Variants in FBN3 observed in about 807,000 individuals in gnomAD.
The protein encoded by FBN3 is fibrillin 3, also known as fibrillin-3.
A neutral mutation model predicts 330.1 loss-of-function variants in FBN3; 234 were observed. That is an observed-to-expected ratio of 0.71 (90% CI 0.64 to 0.79). The LOEUF (loss-of-function observed/expected upper bound fraction) is 0.79. Among genes scored for constraint, FBN3 ranks in the 30% least tolerant of loss-of-function variants. FBN3 has a pLI of 0.00. For missense variants in FBN3, 3,606 were observed against 3,886.9 expected (o/e 0.93, Z 1.92); for synonymous variants, 1,458 against 1,517.3 (o/e 0.96, Z 0.91).
At chr19:8,140,278 A>G (rs1217812159) in intron 8 of FBN3, among the ~76,000 whole-genome samples, 1 of 152,150 alleles carries the variant, frequency 6.6e-6, no homozygotes, top group Non-Finnish European at 1.5e-5. Flanking sequence ...AGCCTGGCCA[A>G]CACAGTGAAA....
intron 62 of FBN3, 52 bp downstream of exon 62, chr19:8,073,011 G>T: frequency 8.6e-7 from 1 of 1,158,268 alleles, no homozygotes. Flanking sequence ...GTGCGTGCGT[G>T]CATGGACGCT....
chr19:8,084,317 G>C (rs1388732066), intron 56 of FBN3, among the ~76,000 whole-genome samples: 1 of 152,112 alleles, frequency 6.6e-6, no homozygotes, highest in Non-Finnish European at 1.5e-5. Flanking sequence ...TTCTCACCCA[G>C]CTGACACACA....
At chr19:8,090,400 A>G (rs1048634330) in intron 48 of FBN3, 149 bp from the exon 49 acceptor site, 1 of 855,558 alleles carries the variant, frequency 1.2e-6, no homozygotes, top group Non-Finnish European at 1.8e-6. Flanking sequence ...GGTCATGGTG[A>G]TTGGTTTGAG....
At chr19:8,073,006 T>TGAGAGAGA in intron 62 of FBN3, 57 bp downstream of exon 62, 1 of 964,456 alleles carries the variant, frequency 1.0e-6, no homozygotes, top group Non-Finnish European at 1.6e-6. Context: ...TGTGTGTGCG[T>TGAGAGAGA]GCGTGCATGG....
intron 5 of FBN3, among the ~76,000 whole-genome samples, 171 bp from the exon 6 acceptor site, chr19:8,145,143 G>T (rs560641191): frequency 1.3e-5 from 2 of 152,226 alleles, no homozygotes; most frequent in South Asian, 4.1e-4. Flanking sequence ...GGAGGCCAAG[G>T]CAGGTGGATC....
At chr19:8,130,502 C>T (rs1341973235) in intron 16 of FBN3, among the ~76,000 whole-genome samples, 2 of 124,738 alleles carry the variant, frequency 1.6e-5, no homozygotes, top group Non-Finnish European at 3.2e-5. Flanking sequence ...CAGAGCAAGA[C>T]TCTGTCAAAA....
Position 8,126,619 on chromosome 19 carries a change from G to GCGGGTCACA in FBN3, c.2417-15_2417-14insTGTGACCCG, listed in dbSNP as rs763750748. On this transcript the variant is annotated splice_polypyrimidine_tract_variant and intron_variant, in intron 19 of 63. Transcript: ENST00000600128. ...CCTTGGTGCTGTCTGGGGAGAAGAGGCGGGTCACCTGTCTCACCTGCCGGC... is the reference window on the plus strand; with the variant it reads ...CCTTGGTGCTGTCTGGGGAGAAGAGGCGGGTCACACGGGTCACCTGTCTCACCTGCCGGC... 1.2e-6 allele frequency: 2 copies of GCGGGTCACA among 1,605,596 alleles called. No individual in the cohort carries two copies. Among genetic ancestry groups the GCGGGTCACA allele is most frequent in the East Asian group, 4.5e-5 (2 of 44,854 alleles).
Position 8,089,647 on chromosome 19 carries a change from G to A in FBN3, c.6274C>T (p.Pro2092Ser), listed in dbSNP as rs2082048052. Residue 2092 changes from proline (P) to serine (S), a missense_variant, in exon 51 of 64, where the codon CCT becomes TCT. Transcript: ENST00000600128. Reference sequence around the variant, plus strand: ...CAGACGCCGTTAGTGCAGACGCCAGGGTTCTCTGCACACTCATTCACGTCT... The same window carrying A: ...CAGACGCCGTTAGTGCAGACGCCAGAGTTCTCTGCACACTCATTCACGTCT... ...REDVNECAEN[P>S]GVCTNGVCVN... 2 of 1,614,160 alleles carry A rather than the reference G, an allele frequency of 1.2e-6. No homozygotes were observed. Among genetic ancestry groups the A allele is most frequent in the African/African-American group, 1.3e-5 (1 of 75,040 alleles).
chr19:8,095,804 C>G (rs555649749), intron 45 of FBN3, among the ~76,000 whole-genome samples, 160 bp downstream of exon 45: 6 of 152,116 alleles, frequency 3.9e-5, no homozygotes, highest in Middle Eastern at 3.4e-3. Flanking sequence ...TCTAATTTTC[C>G]TTATGATTTA....
rs2082609564 is a variant in FBN3, at chr19:8,112,401, C to A, written c.3839-302G>T. 1.3e-5 allele frequency among the ~76,000 whole-genome samples: 2 copies of A among 152,154 alleles called. 1 individual carries two copies. The highest frequency in any genetic ancestry group is 4.1e-4 in the South Asian group (2 of 4,826). On this transcript the variant is annotated intron_variant, in intron 30 of 63. Coordinates refer to ENST00000600128, the MANE Select transcript of FBN3 (RefSeq NM_032447.5). ...GTGGCTCACGCCTGTAATCCCAGCA[C>A]TTTGGGAGGCCGAGGCGGGTGGATC...
intron 30 of FBN3, 23 bp from the exon 31 acceptor site, chr19:8,112,122 G>T (rs373487679): frequency 1.9e-6 from 3 of 1,607,250 alleles, no homozygotes; most frequent in African/African-American, 2.7e-5. Flanking sequence ...GAGGCACGAC[G>T]CCAAGACCCA....
In FBN3 at chr19:8,136,042, G is replaced by C; in HGVS notation, c.1510C>G (p.Arg504Gly). Residue 504 changes from arginine (R) to glycine (G), a missense_variant, in exon 13 of 64, where the codon CGC becomes GGC. Physicochemically the swap from Arg to Gly is moderately radical, Grantham distance 125. Coordinates refer to ENST00000600128, the MANE Select transcript of FBN3 (RefSeq NM_032447.5). Reference sequence around the variant, plus strand: ...AAGCTGCCCTCTGTGTTGACACAGCGGCCCAGGTGACAAAGGCCACCACTG... The same window carrying C: ...AAGCTGCCCTCTGTGTTGACACAGCCGCCCAGGTGACAAAGGCCACCACTG... ...IVSGGLCHLG[R>G]CVNTEGSFQC... The C allele has an allele frequency of 6.2e-7, 1 of 1,611,000 alleles. No individual in the cohort carries two copies. The highest frequency in any genetic ancestry group is 8.5e-7 in the Non-Finnish European group (1 of 1,178,864).
chr19:8,102,681 A>G, intron 40 of FBN3, 43 bp downstream of exon 40: 1 of 1,589,364 alleles, frequency 6.3e-7, no homozygotes, highest in Non-Finnish European at 8.6e-7. Context: ...CCATTATGCT[A>G]GGAGGGGCCA....
chr19:8,081,036 G>A lies in FBN3; in HGVS notation c.7420C>T (p.Pro2474Ser). Residue 2474 changes from proline (P) to serine (S), a missense_variant, in exon 59 of 64, where the codon CCC becomes TCC. Transcript: ENST00000600128. Reference sequence around the variant, plus strand: ...GCCTGGTGGTGCTGGGTGAAGCCGGGCGGACAGCGGCAGGTGAAGGCGCCC... The same window carrying A: ...GCCTGGTGGTGCTGGGTGAAGCCGGACGGACAGCGGCAGGTGAAGGCGCCC... ...TVGAFTCRCP[P>S]GFTQHHQACF... The A allele has an allele frequency of 6.2e-7, 1 of 1,613,276 alleles. No individual in the cohort carries two copies. The highest frequency in any genetic ancestry group is 8.5e-7 in the Non-Finnish European group (1 of 1,179,864).
Position 8,138,537 on chromosome 19 carries a change from A to C in FBN3, c.893T>G (p.Val298Gly). Reference sequence around the variant, plus strand: ...TCCAGCACAGCGGCCCCCGAAAAGCACTGAGAAGCAGGCGCCGGCCCGGTA... The same window carrying C: ...TCCAGCACAGCGGCCCCCGAAAAGCCCTGAGAAGCAGGCGCCGGCCCGGTA... ...EDYRAGACFS[V>G]LFGGRCAGDL... Residue 298 changes from valine to glycine, a missense_variant, in exon 9 of 64, where the codon GTG becomes GGG. By Grantham distance (109) the Val-to-Gly change is moderately radical. Transcript: ENST00000600128. 6.2e-7 allele frequency: 1 copy of C among 1,611,880 alleles called. No homozygotes were observed. Among genetic ancestry groups the C allele is most frequent in the Middle Eastern group, 1.7e-4 (1 of 6,058 alleles).
chr19:8,117,328 G>T, intron 27 of FBN3, 37 bp from the exon 28 acceptor site: 1 of 1,559,724 alleles, frequency 6.4e-7, no homozygotes, highest in Non-Finnish European at 8.7e-7. Context: ...TGGGGCTGGG[G>T]GGAGGGGTCC....
In FBN3 at chr19:8,131,477, A is replaced by AC. The variant is rs1392555317; in HGVS notation, c.1990+76dup. The AC allele has an allele frequency of 4.6e-6, 7 of 1,530,640 alleles. No homozygotes were observed. The highest frequency in any genetic ancestry group is 5.3e-6 in the Non-Finnish European group (6 of 1,128,376). 94.8% of individuals were successfully genotyped at this position (1,530,640 alleles called of 1,614,324 possible). On this transcript the variant is annotated intron_variant, in intron 15 of 63. Transcript: ENST00000600128. This position sits in a 1 kb window ranked among gnomAD's most constrained non-coding sequence, Gnocchi z 4.5. ...GAGCCCCCACTCCATGGCAGCCATG[A>AC]CCCCCCACCAGAAGCGAGAACCGAT...
chr19:8,132,528 G>A (rs1568443590), intron 14 of FBN3, among the ~76,000 whole-genome samples: 1 of 151,240 alleles, frequency 6.6e-6, no homozygotes, highest in Non-Finnish European at 1.5e-5. Flanking sequence ...TCTCACTCTT[G>A]TCACCCAGGC....
intron 63 of FBN3, among the ~76,000 whole-genome samples, chr19:8,070,625 C>T (rs918956398): frequency 6.6e-6 from 1 of 152,182 alleles, no homozygotes; most frequent in African/African-American, 2.4e-5. Flanking sequence ...AGTCCACGTG[C>T]CATATCCATG....
Sources: gnomAD v4.1 joint callset for allele counts (sites outside exome capture counted in the v4.1 genomes callset) on GRCh38, gnomAD v4.1.1 for gene constraint, Gnocchi (gnomAD v3.1) non-coding constraint, MANE v1.5 for transcripts, NCBI Gene and HGNC (gene_info 2026-07-23, HGNC 2026-07-21) for gene names.